DENND2B: variants seen among roughly 807,000 people sequenced by gnomAD.
The protein encoded by DENND2B is DENN domain-containing protein 2B.
In DENND2B, 32 loss-of-function variants were observed where a neutral mutation model predicts 116.0. That is an observed-to-expected ratio of 0.28 (90% CI 0.21 to 0.37). DENND2B has a LOEUF of 0.37. DENND2B is among the 10% of genes least tolerant of loss of function. The pLI, the probability that DENND2B is intolerant of heterozygous loss-of-function variation, is 1.00. For missense variants in DENND2B, 1,276 were observed against 1,477.7 expected (o/e 0.86, Z 2.24); for synonymous variants, 588 against 583.9 (o/e 1.01, Z -0.10).
At chr11:8,705,107 T>C (rs1332680752) in intron 13 of DENND2B, among the ~76,000 whole-genome samples, 2 of 152,080 alleles carry the variant, frequency 1.3e-5, no homozygotes, top group Non-Finnish European at 2.9e-5. Context: ...CCATGGAGCC[T>C]AACACCCACA....
chr11:8,772,332 G>A lies in DENND2B; in HGVS notation c.-25-21607C>T, dbSNP rs572200737. On this transcript the variant is annotated intron_variant, in intron 1 of 19. Transcript: ENST00000313726. ...ACCTGAGGAGGGGGTTGTGGGAACC[G>A]ATCCCTCCAACTTTATAGTGAGTTG... 1.8e-4 allele frequency among the ~76,000 whole-genome samples: 27 copies of A among 152,196 alleles called. 1 individual carries two copies. The South Asian group carries it at 4.8e-3, about 27-fold the overall frequency.
chr11:8,702,992 A>C lies in DENND2B; in HGVS notation c.2572-272T>G. Reference sequence around the variant, plus strand: ...AGGAGTTGAGGGGCCATCCATCGGGACCTCAGGAAGAGAGGAGAGCTGACT... The same window carrying C: ...AGGAGTTGAGGGGCCATCCATCGGGCCCTCAGGAAGAGAGGAGAGCTGACT... On this transcript the variant is annotated intron_variant, in intron 13 of 19. Coordinates refer to ENST00000313726, the MANE Select transcript of DENND2B (RefSeq NM_213618.2). This position sits in a 1 kb window ranked among gnomAD's most constrained non-coding sequence, Gnocchi z 4.6. 2 of 453,248 alleles carry C rather than the reference A, an allele frequency of 4.4e-6. No homozygotes were observed. Among genetic ancestry groups the C allele is most frequent in the Non-Finnish European group, 8.0e-6 (2 of 249,700 alleles). 28.1% of individuals were successfully genotyped at this position (453,248 alleles called of 1,614,324 possible).
intron 14 of DENND2B, among the ~76,000 whole-genome samples, chr11:8,701,402 A>G (rs1479828632): frequency 7.0e-6 from 1 of 143,400 alleles, no homozygotes; most frequent in Non-Finnish European, 1.5e-5. Context: ...CAATCCCCTA[A>G]GCCCTATGCA....
intron 2 of DENND2B, among the ~76,000 whole-genome samples, chr11:8,732,079 AAG>A (rs1297474745): frequency 1.3e-5 from 2 of 152,188 alleles, no homozygotes; most frequent in Non-Finnish European, 2.9e-5. Context: ...CCCCTCAGGA[AAG>A]AGTCTTTTCC....
chr11:8,694,228 G>A, intron 19 of DENND2B, 98 bp from the exon 20 acceptor site: 1 of 1,367,606 alleles, frequency 7.3e-7, no homozygotes, highest in Non-Finnish European at 1.0e-6. Flanking sequence ...AGTGGGAGAG[G>A]AAGGATTAGG....
At chr11:8,753,590 A>G (rs1041725197) in intron 1 of DENND2B, among the ~76,000 whole-genome samples, 2 of 152,210 alleles carry the variant, frequency 1.3e-5, no homozygotes, top group Admixed American at 6.5e-5. Context: ...TGCAAGGGAT[A>G]CAGGACAGCC....
chr11:8,853,168 G>C (rs34769330), intron 3 of DENND2B, among the ~76,000 whole-genome samples: 3 of 151,814 alleles, frequency 2.0e-5, no homozygotes, highest in African/African-American at 7.3e-5. Flanking sequence ...GTTCGAGACC[G>C]GCCTGGCCAA....
chr11:8,799,588 G>C (rs971535123), intron 1 of DENND2B, among the ~76,000 whole-genome samples: 3 of 118,022 alleles, frequency 2.5e-5, no homozygotes, highest in Non-Finnish European at 5.0e-5. Flanking sequence ...TTTTTTAAGA[G>C]ACAGTGTCTT....
At chr11:8,720,563 C>T (rs1384641789) in intron 4 of DENND2B, among the ~76,000 whole-genome samples, 1 of 152,264 alleles carries the variant, frequency 6.6e-6, no homozygotes, top group Non-Finnish European at 1.5e-5. Flanking sequence ...AACAAAGCCA[C>T]TAATCAGTTC....
intron 2 of DENND2B, among the ~76,000 whole-genome samples, chr11:8,864,866 C>T (rs991662119): frequency 7.2e-5 from 11 of 152,046 alleles, no homozygotes; most frequent in African/African-American, 1.7e-4. Context: ...TGGAACAAGA[C>T]GGAAAAAATT....
chr11:8,854,885 G>T (rs541775889), intron 3 of DENND2B, among the ~76,000 whole-genome samples: 1 of 152,170 alleles, frequency 6.6e-6, no homozygotes, highest in South Asian at 2.1e-4. Flanking sequence ...GCTAATTTTT[G>T]TATTTTTAGT....
chr11:8,757,227 A>G, intron 1 of DENND2B: 1 of 380,470 alleles, frequency 2.6e-6, no homozygotes, highest in Non-Finnish European at 5.2e-6. Context: ...TAGCAATATG[A>G]CCTACCTCCC....
intron 4 of DENND2B, among the ~76,000 whole-genome samples, chr11:8,836,673 G>T (rs764511350): frequency 1.3e-5 from 2 of 151,804 alleles, no homozygotes; most frequent in African/African-American, 2.4e-5. Context: ...ACCCGCCTCA[G>T]CCTCCCAAAG....
chr11:8,699,258 C>A lies in DENND2B; in HGVS notation c.2853G>T (p.Leu951=). 6.3e-7 allele frequency: 1 copy of A among 1,591,940 alleles called. No individual in the cohort carries two copies. The highest frequency in any genetic ancestry group is 8.5e-7 in the Non-Finnish European group (1 of 1,173,828). ...TCAGTTTGGGGAGGGAGCTGGAGAG[C>A]AGGCCAACCAGGAAGGGGGTGGGAC... is the stretch of plus-strand genomic sequence containing the variant. ...VCCPTPFLVG[L]LSSSLPKLKE... The change falls in exon 15 of 20, where the codon CTG becomes CTT. Residue 951 remains leucine, a synonymous_variant. Transcript: ENST00000313726.
chr11:8,709,883 G>T (rs1212164286), intron 11 of DENND2B, among the ~76,000 whole-genome samples: 1 of 152,148 alleles, frequency 6.6e-6, no homozygotes, highest in Non-Finnish European at 1.5e-5. Context: ...CTCCTGTGTT[G>T]AAAGTCCAAT....
intron 1 of DENND2B, among the ~76,000 whole-genome samples, chr11:8,779,942 G>A (rs1426549582): frequency 6.6e-6 from 1 of 152,158 alleles, no homozygotes; most frequent in Non-Finnish European, 1.5e-5. Context: ...CTGCTCCCAC[G>A]GTAGGACAAG....
rs1482321337 is a variant in DENND2B, at chr11:8,707,187, A to G, written c.2469T>C (p.Ala823=). The change falls in exon 13 of 20, where the codon GCT becomes GCC. Residue 823 remains alanine, a synonymous_variant. Transcript: ENST00000313726. This position sits in a 1 kb window ranked among gnomAD's most constrained non-coding sequence, Gnocchi z 4.8. The part of the protein sequence containing the change: ...DEVERRRGIS[A]ALVYPFMRSL... ...TTCTCATGAAAGGATAGACCAATGC[A>G]GCGGAGATCCCACGCCGGCGCTCCA... 1.2e-6 allele frequency: 2 copies of G among 1,613,616 alleles called. No homozygotes were observed. Among genetic ancestry groups the G allele is most frequent in the South Asian group, 2.2e-5 (2 of 90,906 alleles).
chr11:8,704,332 G>A (rs1429565608), intron 13 of DENND2B, among the ~76,000 whole-genome samples: 1 of 152,222 alleles, frequency 6.6e-6, no homozygotes, highest in Non-Finnish European at 1.5e-5. Flanking sequence ...GAGAAAAGAA[G>A]AGAAGTGTCT....
chr11:8,717,642 G>C, intron 5 of DENND2B, 99 bp downstream of exon 5: 1 of 1,419,916 alleles, frequency 7.0e-7, no homozygotes, highest in Non-Finnish European at 9.4e-7. Flanking sequence ...ACTAGTGAGG[G>C]TAAAAGCCTG....
Sources: allele counts gnomAD v4.1 joint callset (sites outside exome capture counted in the v4.1 genomes callset), GRCh38; gene constraint gnomAD v4.1.1; non-coding constraint Gnocchi (gnomAD v3.1); transcripts MANE v1.5; gene names NCBI Gene and HGNC (gene_info 2026-07-23, HGNC 2026-07-21).